The following GRID2 variants were observed in gnomAD, a reference collection of about 807,000 sequenced individuals.
GRID2 encodes the protein glutamate receptor ionotropic, delta-2.
A neutral mutation model predicts 114.8 loss-of-function variants in GRID2; 33 were observed. That is an observed-to-expected ratio of 0.29 (90% CI 0.22 to 0.38). The LOEUF is 0.38. GRID2 is among the 10% of genes least tolerant of loss of function. The probability of loss-of-function intolerance (pLI) is 1.00; values close to 1 mark genes in which losing one functional copy is unlikely to be tolerated. For missense variants in GRID2, 1,184 were observed against 1,257.7 expected (o/e 0.94, Z 0.89); for synonymous variants, 505 against 449.9 (o/e 1.12, Z -1.55).
intron 1 of GRID2, among the ~76,000 whole-genome samples, chr4:92,504,067 A>G (rs1484092772): frequency 6.6e-6 from 1 of 152,146 alleles, no homozygotes; most frequent in African/African-American, 2.4e-5. Flanking sequence ...AAAGCAGACC[A>G]TAATTGATGG....
intron 2 of GRID2, among the ~76,000 whole-genome samples, chr4:92,760,522 A>G (rs1737956315): frequency 6.6e-6 from 1 of 152,108 alleles, no homozygotes; most frequent in African/African-American, 2.4e-5. Flanking sequence ...CAGCCAATCC[A>G]GCTTCAGGGT....
intron 2 of GRID2, among the ~76,000 whole-genome samples, chr4:93,004,539 G>A (rs975820556): frequency 6.6e-6 from 1 of 151,898 alleles, no homozygotes; most frequent in Non-Finnish European, 1.5e-5. Flanking sequence ...TATGAATCCC[G>A]AGTTTCTCCT....
At chr4:92,928,025 G>C (rs1043077863) in intron 2 of GRID2, among the ~76,000 whole-genome samples, 3 of 151,616 alleles carry the variant, frequency 2.0e-5, no homozygotes, top group Non-Finnish European at 4.4e-5. Flanking sequence ...TTGGATTCAG[G>C]TTGCTCAACC....
intron 14 of GRID2, among the ~76,000 whole-genome samples, chr4:93,762,464 G>A (rs913856770): frequency 5.9e-5 from 9 of 152,098 alleles, no homozygotes; most frequent in Admixed American, 2.0e-4. Flanking sequence ...AGTTTCTGGC[G>A]TTACATAGCT....
intron 14 of GRID2, among the ~76,000 whole-genome samples, chr4:93,744,937 A>T (rs1351419439): frequency 6.6e-6 from 1 of 152,200 alleles, no homozygotes; most frequent in Admixed American, 6.5e-5. Flanking sequence ...CACTAGCAAA[A>T]CAACTGTGAC....
chr4:93,109,302 A>G (rs971743272), intron 3 of GRID2, among the ~76,000 whole-genome samples: 2 of 152,250 alleles, frequency 1.3e-5, no homozygotes, highest in Admixed American at 1.3e-4. Flanking sequence ...AATGTAAGAT[A>G]GAATTTATAC....
In GRID2 at chr4:93,507,406, C is replaced by T. The variant is rs191209128; in HGVS notation, c.1998-7810C>T. Among the ~76,000 whole-genome samples, 15 of 152,252 alleles carry T rather than the reference C, an allele frequency of 9.9e-5. No homozygotes were observed. The East Asian group carries it at 2.7e-3, about 27-fold the overall frequency. On this transcript the variant is annotated intron_variant, in intron 12 of 15. Coordinates refer to ENST00000282020, the MANE Select transcript of GRID2 (RefSeq NM_001510.4). ...TTATTCCATTTGTCCATACATAGAG[C>T]GTACATACTCTCCTTCCTCCTCATT... is the stretch of plus-strand genomic sequence containing the variant.
At chr4:92,901,827 G>T (rs114245379) in intron 2 of GRID2, among the ~76,000 whole-genome samples, 2,747 of 151,172 alleles carry the variant, frequency 0.018, 70 homozygotes, top group African/African-American at 0.055. Flanking sequence ...ATCTTTTTGT[G>T]TGTGTGTGTG....
intron 2 of GRID2, among the ~76,000 whole-genome samples, chr4:93,035,191 C>T (rs1301151722): frequency 6.6e-6 from 1 of 151,718 alleles, no homozygotes; most frequent in African/African-American, 2.4e-5. Context: ...CTGCAACCTC[C>T]GCCTCCTGGG....
chr4:93,156,675 G>C (rs890305310), intron 4 of GRID2, among the ~76,000 whole-genome samples: 2 of 151,748 alleles, frequency 1.3e-5, no homozygotes, highest in Non-Finnish European at 2.9e-5. Context: ...AAATGGGTGG[G>C]TAGTGATTTT....
chr4:92,731,231 A>ATTTTTTTTTTTTTTTTTTT (rs35176432), intron 2 of GRID2, among the ~76,000 whole-genome samples: 1 of 149,106 alleles, frequency 6.7e-6, no homozygotes, highest in Non-Finnish European at 1.5e-5. Context: ...ACAATAAGTG[A>ATTTTTTTTTTTTTTTTTTT]TTTTTTTTTT....
At position 92,865,757 on chromosome 4, in the gene GRID2, C is replaced by T. The variant is rs17019966; in HGVS notation, c.245-219238C>T. Among the ~76,000 whole-genome samples the T allele has an allele frequency of 5.9e-3, 902 of 152,180 alleles. 15 individuals are homozygous for T. Among genetic ancestry groups the T allele is most frequent in the African/African-American group, 0.021 (856 of 41,540 alleles). On this transcript the variant is annotated intron_variant, in intron 2 of 15. Transcript: ENST00000282020. Reference sequence around the variant, plus strand: ...TATTTGTGCCACTGAATAAATGGGACGACTGACTGAATAATATTTCGGCCA... The same window carrying T: ...TATTTGTGCCACTGAATAAATGGGATGACTGACTGAATAATATTTCGGCCA...
chr4:93,038,699 G>A (rs1490479348), intron 2 of GRID2, among the ~76,000 whole-genome samples: 1 of 152,118 alleles, frequency 6.6e-6, no homozygotes, highest in Non-Finnish European at 1.5e-5. Flanking sequence ...GCTGAGGCAG[G>A]AGAATGGCGT....
chr4:93,723,044 C>G (rs1039388560), intron 14 of GRID2, among the ~76,000 whole-genome samples: 6 of 152,158 alleles, frequency 3.9e-5, no homozygotes, highest in Non-Finnish European at 7.3e-5. Context: ...TTATGATTTT[C>G]TCTTTGTCTG....
At chr4:92,567,489 C>T (rs1354434167) in intron 1 of GRID2, among the ~76,000 whole-genome samples, 1 of 151,924 alleles carries the variant, frequency 6.6e-6, no homozygotes, top group Admixed American at 6.6e-5. Flanking sequence ...TATCTTAATT[C>T]AAGAAGGATA....
chr4:92,829,271 G>A (rs1578254162), intron 2 of GRID2, among the ~76,000 whole-genome samples: 1 of 152,198 alleles, frequency 6.6e-6, no homozygotes, highest in East Asian at 1.9e-4. Context: ...ATTAAATAGG[G>A]AATCCTTTCG....
chr4:92,337,222 A>G (rs930744823), intron 1 of GRID2, among the ~76,000 whole-genome samples: 1 of 151,722 alleles, frequency 6.6e-6, no homozygotes, highest in African/African-American at 2.4e-5. Flanking sequence ...TAATGTTTTT[A>G]ATTTTGGATT....
intron 4 of GRID2, among the ~76,000 whole-genome samples, chr4:93,131,337 A>G (rs1385265586): frequency 6.6e-6 from 1 of 151,166 alleles, no homozygotes; most frequent in Non-Finnish European, 1.5e-5. Context: ...TATTTTTAGG[A>G]GAGACAGGGT....
intron 2 of GRID2, among the ~76,000 whole-genome samples, chr4:92,704,161 CCAGCTACT>C (rs1445226895): frequency 1.3e-5 from 2 of 152,000 alleles, no homozygotes; most frequent in Non-Finnish European, 2.9e-5. Context: ...GCCTGTAGTC[CCAGCTACT>C]CAGGAGGTTG....
Sources: gnomAD v4.1 joint callset for allele counts (sites outside exome capture counted in the v4.1 genomes callset) on GRCh38, gnomAD v4.1.1 for gene constraint, MANE v1.5 for transcripts, NCBI Gene and HGNC (gene_info 2026-07-23, HGNC 2026-07-21) for gene names.